The following RARB variants were observed in gnomAD, a reference collection of about 807,000 sequenced individuals.
RARB encodes the protein retinoic acid receptor beta, also known as HBV-activated protein.
Under a neutral mutation model 51.9 loss-of-function variants are expected in RARB, and 17 were observed. That is an observed-to-expected ratio of 0.33 (90% confidence interval 0.22 to 0.49). The LOEUF (loss-of-function observed/expected upper bound fraction) is 0.49, where lower values mean the gene tolerates loss of function less well. Among genes scored for constraint, RARB ranks in the 20% least tolerant of loss-of-function variants. The pLI is 0.99. For missense variants in RARB, 369 were observed against 550.8 expected, an observed-to-expected ratio of 0.67 and a Z score of 3.30; for synonymous variants, 215 against 195.4, an observed-to-expected ratio of 1.10 and a Z score of -0.84.
intron 2 of RARB, among the ~76,000 whole-genome samples, chr3:25,477,244 G>A (rs1435953114): frequency 6.6e-6 from 1 of 152,206 alleles, no homozygotes; most frequent in Non-Finnish European, 1.5e-5. Context: ...ATGCAGAGGT[G>A]CCTGCCCCAT....
At chr3:25,454,832 TAAC>T (rs1276398836) in intron 1 of RARB, among the ~76,000 whole-genome samples, 5 of 152,364 alleles carry the variant, frequency 3.3e-5, no homozygotes, top group East Asian at 1.9e-4. Context: ...AGGTGTGTTG[TAAC>T]AACAAGGACA....
intron 3 of RARB, among the ~76,000 whole-genome samples, chr3:25,119,895 A>T (rs1230557233): frequency 1.3e-5 from 2 of 152,152 alleles, no homozygotes; most frequent in African/African-American, 4.8e-5. Flanking sequence ...GTGAGATAAC[A>T]TGTGAGACTG....
chr3:25,106,372 T>G (rs1167156015), intron 3 of RARB, among the ~76,000 whole-genome samples: 5 of 152,002 alleles, frequency 3.3e-5, no homozygotes, highest in African/African-American at 9.7e-5. Flanking sequence ...ACCCCTCAGA[T>G]TCAGGTGATC....
At chr3:24,972,719 G>A (rs1454033169) in intron 2 of RARB, among the ~76,000 whole-genome samples, 1 of 151,952 alleles carries the variant, frequency 6.6e-6, no homozygotes, top group Non-Finnish European at 1.5e-5. Flanking sequence ...TTGTGGTTTT[G>A]ACTTGCATTT....
intron 2 of RARB, among the ~76,000 whole-genome samples, chr3:25,461,562 C>T (rs1463871181): frequency 2.0e-5 from 3 of 152,000 alleles, no homozygotes; most frequent in Non-Finnish European, 4.4e-5. Flanking sequence ...GTTCTAAGGC[C>T]CTTAAATTAC....
intron 2 of RARB, among the ~76,000 whole-genome samples, chr3:25,498,592 A>G (rs1697150804): frequency 6.6e-6 from 1 of 152,242 alleles, no homozygotes; most frequent in South Asian, 2.1e-4. Flanking sequence ...TGACTGGGCA[A>G]TTAGTGACAT....
chr3:25,356,384 G>A (rs1226918839), intron 5 of RARB, among the ~76,000 whole-genome samples: 1 of 151,958 alleles, frequency 6.6e-6, no homozygotes, highest in Admixed American at 6.6e-5. Context: ...TATTCTTAGT[G>A]TTTTGATAAA....
intron 5 of RARB, among the ~76,000 whole-genome samples, chr3:25,587,700 C>A (rs574492112): frequency 2.0e-5 from 3 of 152,166 alleles, no homozygotes; most frequent in African/African-American, 7.2e-5. Flanking sequence ...GCACTATATG[C>A]GCTGCGTGTG....
chr3:25,580,644 T>G lies in RARB; in HGVS notation c.708T>G (p.Ala236=), dbSNP rs757181558. 1.2e-6 allele frequency: 2 copies of G among 1,613,264 alleles called. No individual in the cohort carries two copies. The highest frequency in any genetic ancestry group is 1.1e-5 in the South Asian group (1 of 90,976). Residue 236 remains alanine (A), a synonymous_variant, in exon 5 of 8, where the codon GCT becomes GCG. Coordinates refer to ENST00000330688, the MANE Select transcript of RARB (RefSeq NM_000965.5). The stretch of plus-strand genomic sequence containing the variant: ...GCATTATTAAGATCGTGGAGTTTGC[T>G]AAACGTCTGCCTGGTTTCACTGGCT... The part of the protein sequence containing the change: ...TKCIIKIVEF[A]KRLPGFTGLT...
At chr3:24,887,589 A>C (rs1241037909) in intron 2 of RARB, among the ~76,000 whole-genome samples, 1 of 152,238 alleles carries the variant, frequency 6.6e-6, no homozygotes, top group Non-Finnish European at 1.5e-5. Flanking sequence ...TAGTTTTTAC[A>C]CTTACTGTAA....
intron 5 of RARB, among the ~76,000 whole-genome samples, chr3:25,364,159 G>T (rs553347130): frequency 1.3e-4 from 20 of 151,918 alleles, no homozygotes; most frequent in African/African-American, 4.6e-4. Context: ...TTATTATCCA[G>T]ATTCTTCTGT....
intron 5 of RARB, among the ~76,000 whole-genome samples, chr3:25,265,996 C>G (rs1039134855): frequency 2.0e-5 from 3 of 152,164 alleles, no homozygotes; most frequent in Non-Finnish European, 4.4e-5. Context: ...CATCCTTACA[C>G]TGCCATTTCT....
chr3:24,857,843 C>T (rs2125339736), intron 1 of RARB, among the ~76,000 whole-genome samples: 1 of 152,250 alleles, frequency 6.6e-6, no homozygotes, highest in Middle Eastern at 3.4e-3. Flanking sequence ...GAAGGATAGC[C>T]TGAACCCAGG....
chr3:24,955,568 T>G (rs1447011026), intron 2 of RARB, among the ~76,000 whole-genome samples: 2 of 152,156 alleles, frequency 1.3e-5, no homozygotes, highest in Non-Finnish European at 2.9e-5. Context: ...CCTCTGAGGC[T>G]TTGCTGAAAA....
chr3:24,858,243 T>C (rs1471911856), intron 1 of RARB, among the ~76,000 whole-genome samples: 1 of 152,174 alleles, frequency 6.6e-6, no homozygotes, highest in African/African-American at 2.4e-5. Context: ...TTTTTCTTCT[T>C]ATAAATCTTC....
intron 3 of RARB, among the ~76,000 whole-genome samples, chr3:25,534,965 T>C (rs778459719): frequency 3.9e-5 from 6 of 152,146 alleles, no homozygotes; most frequent in Non-Finnish European, 8.8e-5. Flanking sequence ...GTAAAGTGAA[T>C]GAAAATGATC....
chr3:25,361,905 A>T (rs1229785319), intron 5 of RARB, among the ~76,000 whole-genome samples: 1 of 152,054 alleles, frequency 6.6e-6, no homozygotes, highest in Non-Finnish European at 1.5e-5. Context: ...GTCCTGTTTG[A>T]GGTATCTGTC....
At chr3:24,941,161 G>A (rs1203200430) in intron 2 of RARB, among the ~76,000 whole-genome samples, 1 of 152,090 alleles carries the variant, frequency 6.6e-6, no homozygotes, top group African/African-American at 2.4e-5. Flanking sequence ...CTGCAGAAAG[G>A]AATAGAAGGA....
rs191387892 is a variant in RARB, at chr3:25,287,594, C to T, written c.178+113019C>T. Among the ~76,000 whole-genome samples the T allele has an allele frequency of 7.5e-3, 1,138 of 152,310 alleles. 46 individuals carry two copies. Among genetic ancestry groups the T allele is most frequent in the Admixed American group, 0.066 (1,004 of 15,300 alleles). On this transcript the variant is annotated intron_variant, in intron 5 of 11. Coordinates refer to the RARB transcript ENST00000383772. Reference sequence around the variant, plus strand: ...TATTGGGCCAAGCAGGCTTCTCCAGCTTCAAGAGTCACCTCACAAATTCTG... The same window carrying T: ...TATTGGGCCAAGCAGGCTTCTCCAGTTTCAAGAGTCACCTCACAAATTCTG...
Sources: gnomAD v4.1 joint callset for allele counts (sites outside exome capture counted in the v4.1 genomes callset) on GRCh38, gnomAD v4.1.1 for gene constraint, MANE v1.5 for transcripts, NCBI Gene and HGNC (gene_info 2026-07-23, HGNC 2026-07-21) for gene names.